XRCC6: variants seen among roughly 807,000 people sequenced by gnomAD.
XRCC6 encodes the protein X-ray repair cross complementing 6, also known as DNA repair protein Ku70.
In XRCC6, 5 loss-of-function variants were observed where a neutral mutation model predicts 65.7. The ratio of observed to expected loss-of-function variants is 0.08; its 90% CI spans 0.04 to 0.16. The LOEUF (loss-of-function observed/expected upper bound fraction) is 0.16. Among genes scored for constraint, XRCC6 ranks in the 10% least tolerant of loss-of-function variants. The pLI is 1.00. For missense variants in XRCC6, 447 were observed against 738.1 expected, an observed-to-expected ratio of 0.61 and a Z score of 4.57; for synonymous variants, 270 against 270.6, an observed-to-expected ratio of 1.00 and a Z score of 0.02.
rs559976631 is a variant in XRCC6 at position 41,641,218 on chromosome 22, A to T, written c.773+3427A>T. ...TATTTTGTGGAACAGTCATTGTAGG[A>T]TGGATACTTGATATAAATAATAATA... On this transcript the variant is annotated intron_variant, in intron 6 of 12. Coordinates refer to ENST00000360079, the MANE Select transcript of XRCC6 (RefSeq NM_001469.5). Among the ~76,000 whole-genome samples the T allele has an allele frequency of 6.6e-5, 10 of 152,334 alleles. No individual in the cohort carries two copies. In the South Asian group the frequency reaches 1.0e-3, roughly 16 times the overall value.
chr22:41,626,666 C>A (rs1249558971), intron 2 of XRCC6, among the ~76,000 whole-genome samples: 1 of 140,790 alleles, frequency 7.1e-6, no homozygotes. Flanking sequence ...GAGACCGAGT[C>A]TCACTCTGTC....
rs188803674 is a variant in XRCC6 at position 41,648,694 on chromosome 22, C to T, written c.960+1612C>T. Among the ~76,000 whole-genome samples, 7 of 152,130 alleles carry T rather than the reference C, an allele frequency of 4.6e-5. No individual in the cohort carries two copies. The East Asian group carries it at 1.3e-3, about 29-fold the overall frequency. ...CTGAGATTTTACATAAGTTTAGGGC[C>T]TATAAGGATGACTAAAATATTATTT... On this transcript the variant is annotated intron_variant, in intron 7 of 12. Coordinates refer to ENST00000360079, the MANE Select transcript of XRCC6 (RefSeq NM_001469.5).
chr22:41,636,273 G>C (rs200695907), intron 4 of XRCC6, 22 bp downstream of exon 4: 2 of 1,570,062 alleles, frequency 1.3e-6, no homozygotes, highest in African/African-American at 1.4e-5. Context: ...TTTAAGATCA[G>C]CTTTTCCCTT....
intron 3 of XRCC6, among the ~76,000 whole-genome samples, chr22:41,632,769 G>A (rs532974975): frequency 1.3e-5 from 2 of 151,478 alleles, no homozygotes; most frequent in Admixed American, 1.3e-4. Flanking sequence ...GCTGCACTGA[G>A]CTATGATTGT....
intron 5 of XRCC6, among the ~76,000 whole-genome samples, chr22:41,637,371 C>T (rs2067820844): frequency 6.6e-6 from 1 of 152,194 alleles, no homozygotes; most frequent in Admixed American, 6.5e-5. Flanking sequence ...AGATGTGAGC[C>T]ACTGTGCCTG....
intron 12 of XRCC6, chr22:41,661,680 T>C (rs994242858): frequency 4.4e-6 from 2 of 457,660 alleles, no homozygotes; most frequent in East Asian, 8.1e-5. Context: ...TAGTTGGGAG[T>C]TTCCTCAAAA....
intron 2 of XRCC6, among the ~76,000 whole-genome samples, chr22:41,626,995 C>G (rs1004763813): frequency 3.9e-5 from 6 of 152,110 alleles, no homozygotes; most frequent in Admixed American, 3.9e-4. Context: ...AGGCTGGTCT[C>G]GAACTCCTGA....
At chr22:41,621,594 C>T (rs1275689574) in intron 1 of XRCC6, 2 of 170,462 alleles carry the variant, frequency 1.2e-5, no homozygotes, top group East Asian at 1.8e-4. Context: ...CGCTTGAGGC[C>T]TGTCTGCGTT....
intron 8 of XRCC6, 121 bp downstream of exon 8, chr22:41,651,012 T>G (rs192373744): frequency 7.6e-7 from 1 of 1,318,570 alleles, no homozygotes; most frequent in East Asian, 2.5e-5. Context: ...ATGTTGAAAG[T>G]GTTTCAAGCT....
At chr22:41,635,477 G>C (rs138408198) in intron 3 of XRCC6, among the ~76,000 whole-genome samples, 10 of 152,092 alleles carry the variant, frequency 6.6e-5, no homozygotes, top group African/African-American at 2.4e-4. Flanking sequence ...TCAACTCCAG[G>C]TTTTCTGATT....
intron 3 of XRCC6, among the ~76,000 whole-genome samples, chr22:41,628,503 G>A (rs911594058): frequency 2.0e-5 from 3 of 152,116 alleles, no homozygotes; most frequent in Admixed American, 6.6e-5. Flanking sequence ...ACAGAAAAAA[G>A]AAGTAGGCTC....
At chr22:41,632,115 G>A (rs1196536931) in intron 3 of XRCC6, among the ~76,000 whole-genome samples, 2 of 151,848 alleles carry the variant, frequency 1.3e-5, no homozygotes, top group South Asian at 2.1e-4. Flanking sequence ...GAGGGAGACC[G>A]TGGAAAGAGA....
rs1324351825 is a variant in XRCC6 at position 41,650,736 on chromosome 22, G to A, written c.974G>A (p.Arg325His). The change falls in exon 8 of 13, where the codon CGT becomes CAT. Residue 325 changes from arginine (R) to histidine (H), a missense_variant. Physicochemically the swap from Arg to His is conservative, Grantham distance 29. Coordinates refer to ENST00000360079, the MANE Select transcript of XRCC6 (RefSeq NM_001469.5). ...CTTCTCCTTCAGATCTATGGGAGTC[G>A]TCAGATTATACTGGAGAAAGAGGAA... ...DTKRSQIYGS[R>H]QIILEKEETE... 1.1e-5 allele frequency: 18 copies of A among 1,613,140 alleles called. No individual in the cohort carries two copies. The highest frequency in any genetic ancestry group is 4.5e-5 in the East Asian group (2 of 44,874).
At chr22:41,636,882 G>T in intron 5 of XRCC6, 112 bp downstream of exon 5, 2 of 1,390,150 alleles carry the variant, frequency 1.4e-6, no homozygotes, top group Non-Finnish European at 1.9e-6. Flanking sequence ...CAAGTAGCTG[G>T]GACTATAAGC....
intron 3 of XRCC6, among the ~76,000 whole-genome samples, chr22:41,629,844 T>A (rs2067720079): frequency 6.6e-6 from 1 of 151,940 alleles, no homozygotes; most frequent in Non-Finnish European, 1.5e-5. Context: ...TAATTTTTTG[T>A]GTTTTTAGTA....
At chr22:41,658,134 T>C in intron 10 of XRCC6, 118 bp from the exon 11 acceptor site, 1 of 955,228 alleles carries the variant, frequency 1.0e-6, no homozygotes, top group Non-Finnish European at 1.6e-6. Flanking sequence ...TCAACTGTTT[T>C]ACTTGGGGTG....
intron 11 of XRCC6, among the ~76,000 whole-genome samples, chr22:41,660,999 A>T (rs1341052248): frequency 1.3e-5 from 2 of 151,432 alleles, no homozygotes; most frequent in Non-Finnish European, 2.9e-5. Context: ...GCGCCACTGC[A>T]CTCCAGCCTG....
intron 11 of XRCC6, among the ~76,000 whole-genome samples, chr22:41,661,120 A>G (rs896361793): frequency 6.6e-6 from 1 of 152,196 alleles, no homozygotes; most frequent in African/African-American, 2.4e-5. Flanking sequence ...AGTTTAAAGC[A>G]TTTACAACAG....
intron 3 of XRCC6, among the ~76,000 whole-genome samples, chr22:41,631,519 C>T (rs373653752): frequency 1.4e-5 from 2 of 146,806 alleles, no homozygotes; most frequent in Admixed American, 6.7e-5. Context: ...GCGCTCCTCA[C>T]ATCCCAGACG....
Sources: allele counts gnomAD v4.1 joint callset (sites outside exome capture counted in the v4.1 genomes callset), GRCh38; gene constraint gnomAD v4.1.1; transcripts MANE v1.5; gene names NCBI Gene and HGNC (gene_info 2026-07-23, HGNC 2026-07-21).